Variants in LCE2C observed in about 807,000 individuals in gnomAD.
LCE2C encodes the protein late cornified envelope protein 2C.
For synonymous variants in LCE2C, 57 were observed against 51.0 expected (o/e 1.12, Z -0.50); for missense variants, 179 against 141.3 (o/e 1.27, Z -1.35).
At chr1:152,675,946 T>G in intron 1 of LCE2C, 49 bp from the exon 2 acceptor site, 1 of 1,569,604 alleles carries the variant, frequency 6.4e-7, no homozygotes, top group Non-Finnish European at 8.7e-7. Context: ...AGAGGTATAA[T>G]ATGATCCTTG....
At chr1:152,675,624 C>T (rs11205071) in intron 1 of LCE2C, among the ~76,000 whole-genome samples, 8,616 of 152,246 alleles carry the variant, frequency 0.057, 770 homozygotes, top group African/African-American at 0.19. Context: ...TCAAGCCAGG[C>T]TCTTTTATCT....
At position 152,675,912 on chromosome 1, in the gene LCE2C, T is replaced by C. The variant is rs1648833245; in HGVS notation, c.-21-83T>C. 4.3e-6 allele frequency: 6 copies of C among 1,404,220 alleles called. No homozygotes were observed. In the East Asian group the frequency reaches 6.9e-5, roughly 16 times the overall value. 87.0% of individuals were successfully genotyped at this position (1,404,220 alleles called of 1,614,324 possible). A position where few individuals can be genotyped will look rare whatever the true frequency, so the allele number is the denominator to read the frequency against. On this transcript the variant is annotated intron_variant, in intron 1 of 1. Coordinates refer to ENST00000368783, the MANE Select transcript of LCE2C (RefSeq NM_178429.5). Reference sequence around the variant, plus strand: ...TTGTATTATCTAAATATCATTCTTCTTCTACACATGCATTGATTTTAGAAG... The same window carrying C: ...TTGTATTATCTAAATATCATTCTTCCTCTACACATGCATTGATTTTAGAAG...
At position 152,676,312 on chromosome 1, in the gene LCE2C, C is replaced by T. The variant is rs149959514; in HGVS notation, c.297C>T (p.Gly99=). Reference sequence around the variant, plus strand: ...GCTGTGAGAGTGAACCTTCTGGGGGCTCTGGCTGCTGCCACAGCTCTGGGG... The same window carrying T: ...GCTGTGAGAGTGAACCTTCTGGGGGTTCTGGCTGCTGCCACAGCTCTGGGG... ...PDCCESEPSG[G]SGCCHSSGGC... The change falls in exon 2 of 2, where the codon GGC becomes GGT. Residue 99 remains glycine, a synonymous_variant. Transcript: ENST00000368783. The T allele has an allele frequency of 2.5e-5, 41 of 1,612,826 alleles. No homozygotes were observed. The South Asian group carries it at 2.9e-4, about 11-fold the overall frequency.
chr1:152,675,709 T>C (rs1648827717), intron 1 of LCE2C, among the ~76,000 whole-genome samples: 1 of 152,182 alleles, frequency 6.6e-6, no homozygotes, highest in Non-Finnish European at 1.5e-5. Context: ...CCTTAGGGCT[T>C]GTATTAAAGG....
At position 152,675,969 on chromosome 1, in the gene LCE2C, TAA is replaced by T. The variant is rs760493277; in HGVS notation, c.-21-24_-21-23del. Reference sequence around the variant, plus strand: ...AATATGATCCTTGGTTTGAAATATTTAAAGAGTTTCATTATTATCTTTCAGGT... The same window carrying T: ...AATATGATCCTTGGTTTGAAATATTTAGAGTTTCATTATTATCTTTCAGGT... On this transcript the variant is annotated intron_variant, in intron 1 of 1. Transcript: ENST00000368783. The T allele has an allele frequency of 3.4e-5, 55 of 1,601,712 alleles. No individual in the cohort carries two copies. The Middle Eastern group carries it at 8.3e-4, about 24-fold the overall frequency.
rs1648838354 is a variant in LCE2C, at chr1:152,676,055, C to T, written c.40C>T (p.Pro14Ser). The T allele has an allele frequency of 1.2e-6, 2 of 1,614,204 alleles. No individual in the cohort carries two copies. Among genetic ancestry groups the T allele is most frequent in the African/African-American group, 1.3e-5 (1 of 75,056 alleles). Reference protein sequence around the residue: ...QQNQQQCQPPPKCPPKCTPKC... With the variant: ...QQNQQQCQPPSKCPPKCTPKC... ...AAACCAGCAGCAGTGCCAGCCCCCT[C>T]CCAAGTGTCCTCCCAAGTGTACCCC... Residue 14 changes from proline to serine, a missense_variant, in exon 2 of 2, where the codon CCC (proline) becomes TCC (serine). Physicochemically the swap from Pro to Ser is moderately conservative, Grantham distance 74. Coordinates refer to ENST00000368783, the MANE Select transcript of LCE2C (RefSeq NM_178429.5).
At chr1:152,675,922 G>C in intron 1 of LCE2C, 73 bp from the exon 2 acceptor site, 1 of 1,431,444 alleles carries the variant, frequency 7.0e-7, no homozygotes, top group African/African-American at 1.4e-5. Context: ...TTCTACACAT[G>C]CATTGATTTT....
At position 152,676,560 on chromosome 1, in the gene LCE2C, C is replaced by A; in HGVS notation, c.*212C>A. The A allele has an allele frequency of 1.6e-6, 1 of 634,120 alleles. No homozygotes were observed. Among genetic ancestry groups the A allele is most frequent in the South Asian group, 2.6e-5 (1 of 38,078 alleles). 39.3% of individuals were successfully genotyped at this position (634,120 alleles called of 1,614,324 possible). On this transcript the variant is annotated 3_prime_UTR_variant, in exon 2 of 2. Transcript: ENST00000368783. ...CCTCATGTTATAATAAAGCTCTGAT[C>A]TCTGACTCACTAAATGTCTTGGTCA...
At position 152,676,464 on chromosome 1, in the gene LCE2C, C is replaced by T; in HGVS notation, c.*116C>T. On this transcript the variant is annotated 3_prime_UTR_variant, in exon 2 of 2. Coordinates refer to ENST00000368783, the MANE Select transcript of LCE2C (RefSeq NM_178429.5). Reference sequence around the variant, plus strand: ...TTGGTTGGCAGAGACCACAAAGACTCATGGGGCTTTCCTGGAAGAACTTCG... The same window carrying T: ...TTGGTTGGCAGAGACCACAAAGACTTATGGGGCTTTCCTGGAAGAACTTCG... 7.0e-7 allele frequency: 1 copy of T among 1,432,960 alleles called. No homozygotes were observed. Among genetic ancestry groups the T allele is most frequent in the Non-Finnish European group, 9.4e-7 (1 of 1,068,698 alleles). The allele number at this position is 1,432,960 out of a possible 1,614,324, so 88.8% of individuals were successfully genotyped here. A position where few individuals can be genotyped will look rare whatever the true frequency, so the allele number is the denominator to read the frequency against.
chr1:152,676,179 GC>G lies in LCE2C; in HGVS notation c.165del (p.Cys56ValfsTer18), dbSNP rs1284192066. The G allele has an allele frequency of 6.2e-7, 1 of 1,614,082 alleles. No homozygotes were observed. Among genetic ancestry groups the G allele is most frequent in the Non-Finnish European group, 8.5e-7 (1 of 1,180,040 alleles). On this transcript the variant is annotated frameshift_variant, in exon 2 of 2. Coordinates refer to ENST00000368783, the MANE Select transcript of LCE2C (RefSeq NM_178429.5). LOFTEE classifies it low-confidence loss of function (END_TRUNC). Reference protein sequence around the residue: ...SSCCGPSSGSCCGPSSGGCCS... With the variant: ...SSCCGPSSGSXCGPSSGGCCS... The stretch of plus-strand genomic sequence containing the variant: ...TGCTGTGGTCCCAGCTCTGGGAGCT[GC>G]TGTGGTCCCAGCTCTGGGGGCTGCT...
Position 152,676,378 on chromosome 1 carries a change from A to T in LCE2C, c.*30A>T. On this transcript the variant is annotated 3_prime_UTR_variant, in exon 2 of 2. Coordinates refer to ENST00000368783, the MANE Select transcript of LCE2C (RefSeq NM_178429.5). ...GGCTACAGAAGAGCTCTTGGGACTG[A>T]ATGGCCAAGAACCTGCTACGGCCTG... 2 of 1,574,466 alleles carry T rather than the reference A, an allele frequency of 1.3e-6. No homozygotes were observed. Among genetic ancestry groups the T allele is most frequent in the East Asian group, 4.5e-5 (2 of 44,650 alleles).
Position 152,675,995 on chromosome 1 carries a change from G to T in LCE2C, c.-21G>T, listed in dbSNP as rs1293970337. On this transcript the variant is annotated splice_region_variant and 5_prime_UTR_variant, in exon 2 of 2. Transcript: ENST00000368783. ...AAAGAGTTTCATTATTATCTTTCAG[G>T]TTGACTAAACTCCTGCCAGCATGTC... The T allele has an allele frequency of 6.2e-7, 1 of 1,613,480 alleles. No homozygotes were observed. The highest frequency in any genetic ancestry group is 1.1e-5 in the South Asian group (1 of 90,972).
rs748161194 is a variant in LCE2C, at chr1:152,676,224, G to A, written c.209G>A (p.Gly70Asp). ...SGGCCSSGAG[G>D]CSLSHHRPRL... is the part of the protein sequence containing the mutation. ...GGCTGCTGCAGCTCTGGGGCTGGTG[G>A]CTGCTCCCTGAGCCACCACAGGCCC... is the stretch of plus-strand genomic sequence containing the variant. Residue 70 changes from glycine (G) to aspartate (D), a missense_variant, in exon 2 of 2, where the codon GGC becomes GAC. By Grantham distance (94) the Gly-to-Asp change is moderately conservative (BLOSUM62 -1). Transcript: ENST00000368783. The A allele has an allele frequency of 2.5e-5, 41 of 1,613,920 alleles. No homozygotes were observed. The highest frequency in any genetic ancestry group is 3.3e-5 in the Non-Finnish European group (39 of 1,179,976).
rs370080975 is a variant in LCE2C, at chr1:152,676,048, G to A, written c.33G>A (p.Gln11=). The change falls in exon 2 of 2, where the codon CAG becomes CAA. Residue 11 remains glutamine (Q), a synonymous_variant. Coordinates refer to ENST00000368783, the MANE Select transcript of LCE2C (RefSeq NM_178429.5). MSCQQNQQQC[Q]PPPKCPPKCT... is the part of the protein sequence containing the mutation. ...GCCAGCAAAACCAGCAGCAGTGCCA[G>A]CCCCCTCCCAAGTGTCCTCCCAAGT... 7.8e-5 allele frequency: 126 copies of A among 1,614,028 alleles called. No homozygotes were observed. The highest frequency in any genetic ancestry group is 3.3e-4 in the Middle Eastern group (2 of 6,084).
At position 152,676,302 on chromosome 1, in the gene LCE2C, C is replaced by A. The variant is rs751714936; in HGVS notation, c.287C>A (p.Pro96His). The stretch of plus-strand genomic sequence containing the variant: ...AGCCCCGACTGCTGTGAGAGTGAAC[C>A]TTCTGGGGGCTCTGGCTGCTGCCAC... ...HQSPDCCESE[P>H]SGGSGCCHSS... The change falls in exon 2 of 2, where the codon CCT becomes CAT. Residue 96 changes from proline to histidine, a missense_variant. Physicochemically the swap from Pro to His is moderately conservative, Grantham distance 77. Coordinates refer to ENST00000368783, the MANE Select transcript of LCE2C (RefSeq NM_178429.5). The A allele has an allele frequency of 6.2e-7, 1 of 1,613,476 alleles. No individual in the cohort carries two copies. Among genetic ancestry groups the A allele is most frequent in the Non-Finnish European group, 8.5e-7 (1 of 1,179,704 alleles).
rs763190146 is a variant in LCE2C, at chr1:152,676,371, G to A, written c.*23G>A. ...TGACCTGGGCTACAGAAGAGCTCTT[G>A]GGACTGAATGGCCAAGAACCTGCTA... is the stretch of plus-strand genomic sequence containing the variant. On this transcript the variant is annotated 3_prime_UTR_variant, in exon 2 of 2. Coordinates refer to ENST00000368783, the MANE Select transcript of LCE2C (RefSeq NM_178429.5). The A allele has an allele frequency of 5.1e-6, 8 of 1,580,544 alleles. No individual in the cohort carries two copies. The highest frequency in any genetic ancestry group is 1.2e-5 in the South Asian group (1 of 84,994).
Position 152,676,338 on chromosome 1 carries a change from G to A in LCE2C, c.323G>A (p.Gly108Asp), listed in dbSNP as rs762281878. The change falls in exon 2 of 2, where the codon GGC (glycine) becomes GAC (aspartate). Residue 108 changes from glycine to aspartate, a missense_variant. Transcript: ENST00000368783. ...GGSGCCHSSG[G>D]CC ...TCTGGCTGCTGCCACAGCTCTGGGG[G>A]CTGCTGCTGACCTGGGCTACAGAAG... is the stretch of plus-strand genomic sequence containing the variant. 5 of 1,610,450 alleles carry A rather than the reference G, an allele frequency of 3.1e-6. No homozygotes were observed. The highest frequency in any genetic ancestry group is 1.7e-5 in the Admixed American group (1 of 59,648).
Position 152,676,172 on chromosome 1 carries a change from G to T in LCE2C, c.157G>T (p.Gly53Trp), listed in dbSNP as rs1648843260. 1 of 1,613,910 alleles carries T rather than the reference G, an allele frequency of 6.2e-7. No homozygotes were observed. Among genetic ancestry groups the T allele is most frequent in the African/African-American group, 1.3e-5 (1 of 74,986 alleles). Reference protein sequence around the residue: ...AVSSCCGPSSGSCCGPSSGGC... With the variant: ...AVSSCCGPSSWSCCGPSSGGC... The stretch of plus-strand genomic sequence containing the variant: ...CTCTTCTTGCTGTGGTCCCAGCTCT[G>T]GGAGCTGCTGTGGTCCCAGCTCTGG... The change falls in exon 2 of 2, where the codon GGG becomes TGG. Residue 53 changes from glycine (G) to tryptophan (W), a missense_variant. Transcript: ENST00000368783.
intron 1 of LCE2C, among the ~76,000 whole-genome samples, chr1:152,675,720 A>G (rs1442167207): frequency 6.6e-6 from 1 of 152,132 alleles, no homozygotes; most frequent in African/African-American, 2.4e-5. Flanking sequence ...GTATTAAAGG[A>G]ATAGGTACTT....
Sources: gnomAD v4.1 joint callset for allele counts (sites outside exome capture counted in the v4.1 genomes callset) on GRCh38, gnomAD v4.1.1 for gene constraint, MANE v1.5 for transcripts, NCBI Gene and HGNC (gene_info 2026-07-23, HGNC 2026-07-21) for gene names.